The following ZFP82 variants were observed in gnomAD, a reference collection of about 807,000 sequenced individuals.
The protein encoded by ZFP82 is ZFP82 zinc finger protein.
In ZFP82, 30 loss-of-function variants were observed where a neutral mutation model predicts 54.0. The ratio of observed to expected loss-of-function variants is 0.56; its 90% CI spans 0.42 to 0.75. ZFP82 has a LOEUF of 0.75. Ranked by LOEUF, ZFP82 falls within the 30% of genes least tolerant of loss-of-function variation. The pLI is 0.00. For missense variants in ZFP82, 500 were observed against 636.8 expected (o/e 0.79, Z 2.31); for synonymous variants, 194 against 209.5 (o/e 0.93, Z 0.64).
At chr19:36,398,069 T>A (rs1415209338) in intron 4 of ZFP82, among the ~76,000 whole-genome samples, 1 of 152,180 alleles carries the variant, frequency 6.6e-6, no homozygotes, top group Non-Finnish European at 1.5e-5. Flanking sequence ...AGACAGGCTA[T>A]CAAAATTCTT....
exon 2 of ZFP82, chr19:36,383,177 CTT>C (rs1186234425): frequency 2.0e-5 from 3 of 152,108 alleles, no homozygotes; most frequent in Non-Finnish European, 2.9e-5. Context: ...GCCGAGGAAA[CTT>C]TATCACAAAT....
rs528417839 is a variant in ZFP82 at position 36,391,937 on chromosome 19, T to C, written c.*804A>G. On this transcript the variant is annotated 3_prime_UTR_variant, in exon 5 of 5. Coordinates refer to ENST00000392161, the MANE Select transcript of ZFP82 (RefSeq NM_133466.4). ...GAATTATGTAAAAATAAATATTTAG[T>C]ATGATAATAAAAGAAAGTTTAGTGG... 1 of 152,362 alleles carries C rather than the reference T, an allele frequency of 6.6e-6. No individual in the cohort carries two copies. The highest frequency in any genetic ancestry group is 1.5e-5 in the Non-Finnish European group (1 of 68,030). The allele number at this position is 152,362 out of a possible 1,614,324, so 9.4% of individuals were successfully genotyped here.
chr19:36,409,816 T>G lies in ZFP82; in HGVS notation c.-27A>C. On this transcript the variant is annotated 5_prime_UTR_variant, in exon 2 of 5. Transcript: ENST00000392161. ...GTATAGAAATTCAAGAACTGGTCAG[T>G]CCTCCTTGGGGTTTACTTGCCAGGA... 6.2e-7 allele frequency: 1 copy of G among 1,613,740 alleles called. No individual in the cohort carries two copies. Among genetic ancestry groups the G allele is most frequent in the Non-Finnish European group, 8.5e-7 (1 of 1,179,822 alleles).
At chr19:36,398,372 A>G (rs1374791228) in intron 4 of ZFP82, among the ~76,000 whole-genome samples, 1 of 152,130 alleles carries the variant, frequency 6.6e-6, no homozygotes, top group Non-Finnish European at 1.5e-5. Flanking sequence ...CCCTGTCTCT[A>G]TTAAAAATAC....
downstream of ZFP82, among the ~76,000 whole-genome samples, chr19:36,385,956 G>T (rs1322265400): frequency 6.6e-6 from 1 of 152,244 alleles, no homozygotes; most frequent in African/African-American, 2.4e-5. Context: ...AGAACAAAAA[G>T]ATATGGAAAA....
chr19:36,405,186 G>GAAAAAAAAAAAAAAAAAAAAAAAAA (rs35735133), intron 4 of ZFP82, among the ~76,000 whole-genome samples: 1 of 88,512 alleles, frequency 1.1e-5, no homozygotes. Context: ...CTGCATCTCA[G>GAAAAAAAAAAAAAAAAAAAAAAAAA]AAAAAAAAAA....
intron 4 of ZFP82, among the ~76,000 whole-genome samples, chr19:36,404,259 C>T (rs1462453002): frequency 6.6e-6 from 1 of 152,168 alleles, no homozygotes; most frequent in Non-Finnish European, 1.5e-5. Flanking sequence ...CTAGTCATGG[C>T]ACATGGCAGG....
At chr19:36,399,156 G>A (rs2032343928) in intron 4 of ZFP82, among the ~76,000 whole-genome samples, 1 of 152,018 alleles carries the variant, frequency 6.6e-6, no homozygotes, top group African/African-American at 2.4e-5. Flanking sequence ...TGAGGGGAAA[G>A]ATCTCACTCA....
chr19:36,400,476 C>A (rs1014706484), intron 4 of ZFP82, among the ~76,000 whole-genome samples: 6 of 152,160 alleles, frequency 3.9e-5, no homozygotes, highest in African/African-American at 7.2e-5. Context: ...CCTGAATAAG[C>A]CCATACTGAA....
intron 1 of ZFP82, among the ~76,000 whole-genome samples, chr19:36,413,522 TGG>T (rs2032614235): frequency 6.6e-6 from 1 of 152,208 alleles, no homozygotes; most frequent in Admixed American, 6.5e-5. Context: ...TTATTAATGA[TGG>T]CATTGGCCCA....
rs2032178173 is a variant in ZFP82 at position 36,390,446 on chromosome 19, T to C, written c.*2295A>G. ...TTCTTTGTGTTGTTAATTTGTTCTTTTATTCCCCATGTTTCCTGTAAACTG... is the reference window on the plus strand; with the variant it reads ...TTCTTTGTGTTGTTAATTTGTTCTTCTATTCCCCATGTTTCCTGTAAACTG... On this transcript the variant is annotated 3_prime_UTR_variant, in exon 5 of 5. Transcript: ENST00000392161. 1 of 152,126 alleles carries C rather than the reference T, an allele frequency of 6.6e-6. No individual in the cohort carries two copies. Among genetic ancestry groups the C allele is most frequent in the Admixed American group, 6.5e-5 (1 of 15,270 alleles). 9.4% of individuals were successfully genotyped at this position (152,126 alleles called of 1,614,324 possible). A position where few individuals can be genotyped will look rare whatever the true frequency, so the allele number is the denominator to read the frequency against.
chr19:36,400,098 T>C (rs1002008102), intron 4 of ZFP82, among the ~76,000 whole-genome samples: 1 of 152,258 alleles, frequency 6.6e-6, no homozygotes, highest in African/African-American at 2.4e-5. Flanking sequence ...ACAGACCTAT[T>C]ACCAGTCCTA....
At chr19:36,385,540 T>G (rs2032105767), downstream of ZFP82, among the ~76,000 whole-genome samples, 1 of 152,164 alleles carries the variant, frequency 6.6e-6, no homozygotes, top group Admixed American at 6.5e-5. Flanking sequence ...AAAAAGACTA[T>G]TGCTGTGGGT....
exon 2 of ZFP82, chr19:36,383,424 TAAAC>T (rs1242347918): frequency 6.6e-6 from 1 of 152,224 alleles, no homozygotes; most frequent in African/African-American, 2.4e-5. Context: ...AAAAAAAAGT[TAAAC>T]AAGAACTGAG....
rs1364352415 is a variant in ZFP82, at chr19:36,408,574, C to T, written c.10-561G>A. Among the ~76,000 whole-genome samples, 7 of 152,176 alleles carry T rather than the reference C, an allele frequency of 4.6e-5. No individual in the cohort carries two copies. The South Asian group carries it at 1.0e-3, about 22-fold the overall frequency. ...GTGGCTCACACCTGTAATCCCATCACTTTGAGAGGCCGAGGTGGGAGGATC... is the reference window on the plus strand; with the variant it reads ...GTGGCTCACACCTGTAATCCCATCATTTTGAGAGGCCGAGGTGGGAGGATC... On this transcript the variant is annotated intron_variant, in intron 2 of 4. Transcript: ENST00000392161.
At chr19:36,416,906 G>C (rs2032681016) in intron 1 of ZFP82, among the ~76,000 whole-genome samples, 1 of 150,920 alleles carries the variant, frequency 6.6e-6, no homozygotes, top group Non-Finnish European at 1.5e-5. Flanking sequence ...AACCCGGTCT[G>C]TACTAAAAAT....
rs147661313 is a variant in ZFP82 at position 36,392,985 on chromosome 19, C to T, written c.1355G>A (p.Cys452Tyr). 6 of 1,614,044 alleles carry T rather than the reference C, an allele frequency of 3.7e-6. No homozygotes were observed. In the African/African-American group the frequency reaches 6.7e-5, roughly 18 times the overall value. Reference protein sequence around the residue: ...SIHIGEKPYKCKECGKAFRLR... With the variant: ...SIHIGEKPYKYKECGKAFRLR... ...TCTAAAGGCCTTGCCACATTCCTTACATTTATAAGGTTTCTCACCAATATG... is the reference window on the plus strand; with the variant it reads ...TCTAAAGGCCTTGCCACATTCCTTATATTTATAAGGTTTCTCACCAATATG... Residue 452 changes from cysteine to tyrosine, a missense_variant, in exon 5 of 5, where the codon TGT becomes TAT. Transcript: ENST00000392161.
At chr19:36,410,068 G>A (rs2145597192) in intron 1 of ZFP82, among the ~76,000 whole-genome samples, 1 of 152,122 alleles carries the variant, frequency 6.6e-6, no homozygotes, top group Admixed American at 6.6e-5. Flanking sequence ...CTAATTCCAG[G>A]GCTGATAAGG....
chr19:36,415,440 T>A (rs1219411359), intron 1 of ZFP82, among the ~76,000 whole-genome samples: 1 of 151,648 alleles, frequency 6.6e-6, no homozygotes, highest in Non-Finnish European at 1.5e-5. Context: ...CAGGCTGGAG[T>A]GTAATGGCAG....
Sources: allele counts gnomAD v4.1 joint callset (sites outside exome capture counted in the v4.1 genomes callset), GRCh38; gene constraint gnomAD v4.1.1; transcripts MANE v1.5; gene names NCBI Gene and HGNC (gene_info 2026-07-23, HGNC 2026-07-21).